The following SYNE2 variants were observed in gnomAD, a reference collection of about 807,000 sequenced individuals.
SYNE2 encodes the protein spectrin repeat containing nuclear envelope protein 2, also known as nesprin-2.
Under a neutral mutation model 856.3 loss-of-function variants are expected in SYNE2, and 431 were observed. The observed-to-expected ratio is 0.50, with a 90% CI of 0.47 to 0.55. The LOEUF is 0.55. Among genes scored for constraint, SYNE2 ranks in the 20% least tolerant of loss-of-function variants. The pLI is 0.00. For synonymous variants in SYNE2, 2,923 were observed against 2,872.3 expected, an observed-to-expected ratio of 1.02 and a Z score of -0.56; for missense variants, 8,129 against 8,023.2, an observed-to-expected ratio of 1.01 and a Z score of -0.50.
At chr14:64,207,664 A>G (rs17101715) in intron 100 of SYNE2, among the ~76,000 whole-genome samples, 5,376 of 152,210 alleles carry the variant, frequency 0.035, 283 homozygotes, top group African/African-American at 0.11. Flanking sequence ...CTTTCTGTAG[A>G]TGGTGACAGC....
rs563179946 is a variant in SYNE2, at chr14:64,130,235, T to C, written c.14327T>C (p.Ile4776Thr). The C allele has an allele frequency of 5.6e-6, 9 of 1,612,398 alleles. No homozygotes were observed. Among genetic ancestry groups the C allele is most frequent in the African/African-American group, 4.0e-5 (3 of 74,976 alleles). ...TKSKVALQAQ[I>T]ENHKVFFQKL... Reference sequence around the variant, plus strand: ...AGTAAAGTGGCGTTACAGGCTCAAATAGAAAATCACAAGGTGAGACAGACA... The same window carrying C: ...AGTAAAGTGGCGTTACAGGCTCAAACAGAAAATCACAAGGTGAGACAGACA... The change falls in exon 76 of 116, where the codon ATA becomes ACA. Residue 4776 changes from isoleucine to threonine, a missense_variant. Transcript: ENST00000555002.
intron 74 of SYNE2, 33 bp from the exon 75 acceptor site, chr14:64,129,748 AG>A: frequency 6.2e-7 from 1 of 1,613,474 alleles, no homozygotes; most frequent in East Asian, 2.2e-5. Context: ...GACTTACTGA[AG>A]GGTTTTCTTT....
intron 1 of SYNE2, among the ~76,000 whole-genome samples, chr14:63,853,811 A>G (rs992561483): frequency 3.9e-5 from 6 of 151,992 alleles, no homozygotes; most frequent in African/African-American, 1.2e-4. Context: ...GACGGCCGGG[A>G]TTATAATTCC....
intron 1 of SYNE2, among the ~76,000 whole-genome samples, chr14:63,787,559 C>A (rs1038769223): frequency 6.6e-6 from 1 of 152,214 alleles, no homozygotes; most frequent in African/African-American, 2.4e-5. Context: ...AGAGGAACTT[C>A]ATTGAGTGTT....
At position 64,051,753 on chromosome 14, in the gene SYNE2, A is replaced by T; in HGVS notation, c.7840A>T (p.Ile2614Phe). 6.2e-7 allele frequency: 1 copy of T among 1,614,228 alleles called. No homozygotes were observed. The highest frequency in any genetic ancestry group is 8.5e-7 in the Non-Finnish European group (1 of 1,180,040). The change falls in exon 48 of 116, where the codon ATT becomes TTT. Residue 2614 changes from isoleucine to phenylalanine, a missense_variant. Ile to Phe is a conservative substitution (Grantham distance 21). Around this residue, in one of 3 missense-constraint regions of SYNE2, gnomAD observed 5,410 missense variants for 5,284.8 expected, o/e 1.02. Coordinates refer to ENST00000555002, the MANE Select transcript of SYNE2 (RefSeq NM_182914.3). ...TGGTTGGGAACAAGTGGAACAGCAG[A>T]TTCAAAAGAAGTATTCTCAGCAGGT... ...EHGWEQVEQQ[I>F]QKKYSQQVVE...
In SYNE2 at chr14:64,074,111, ACC is replaced by A; in HGVS notation, c.10843_10844del (p.Pro3615ArgfsTer7). On this transcript the variant is annotated frameshift_variant, in exon 53 of 116. Coordinates refer to ENST00000555002, the MANE Select transcript of SYNE2 (RefSeq NM_182914.3). LOFTEE classifies it high-confidence loss of function. Reference sequence around the variant, plus strand: ...TTCCAAAATATGGCATTCCAGGATCACCCAGAAAAGTCAGAACAATTTGAGGT... The same window carrying A: ...TTCCAAAATATGGCATTCCAGGATCACAGAAAAGTCAGAACAATTTGAGGT... 5 of 1,614,214 alleles carry A rather than the reference ACC, an allele frequency of 3.1e-6. No homozygotes were observed. The highest frequency in any genetic ancestry group is 4.2e-6 in the Non-Finnish European group (5 of 1,180,038).
Position 64,022,005 on chromosome 14 carries a change from A to T in SYNE2, c.5501A>T (p.Asp1834Val). 1 of 1,613,790 alleles carries T rather than the reference A, an allele frequency of 6.2e-7. No homozygotes were observed. The highest frequency in any genetic ancestry group is 8.5e-7 in the Non-Finnish European group (1 of 1,179,864). Residue 1834 changes from aspartate to valine, a missense_variant, in exon 37 of 116, where the codon GAT becomes GTT. Around this residue, in one of 3 missense-constraint regions of SYNE2, gnomAD observed 2,422 missense variants for 2,357.4 expected, o/e 1.03. Transcript: ENST00000555002. Reference protein sequence around the residue: ...LFNTKKSVLQDHFSKLLNDQC... With the variant: ...LFNTKKSVLQVHFSKLLNDQC... ...AATACCAAAAAAAGTGTTTTGCAAGATCACTTTTCTAAGTTATTGAATGGT... is the reference window on the plus strand; with the variant it reads ...AATACCAAAAAAAGTGTTTTGCAAGTTCACTTTTCTAAGTTATTGAATGGT...
At chr14:64,075,827 T>C in intron 53 of SYNE2, 118 bp from the exon 54 acceptor site, 1 of 1,091,188 alleles carries the variant, frequency 9.2e-7, no homozygotes, top group Non-Finnish European at 1.4e-6. Context: ...AGTGGGGTTT[T>C]GTCATGCAAA....
At position 63,897,669 on chromosome 14, in the gene SYNE2, C is replaced by T. The variant is rs986056982; in HGVS notation, c.-51-11429C>T. On this transcript the variant is annotated intron_variant, in intron 1 of 115. Coordinates refer to ENST00000555002, the MANE Select transcript of SYNE2 (RefSeq NM_182914.3). ...CATTCGCAGCCGGTGCTGTTCTGGC[C>T]TCAGTGGGCCTTCAGCTGCCCTCAC... Among the ~76,000 whole-genome samples the T allele has an allele frequency of 7.9e-5, 12 of 152,304 alleles. 1 individual carries two copies. The highest frequency in any genetic ancestry group is 2.9e-4 in the African/African-American group (12 of 41,564).
At chr14:63,835,581 G>A (rs899990668) in intron 1 of SYNE2, among the ~76,000 whole-genome samples, 3 of 151,976 alleles carry the variant, frequency 2.0e-5, no homozygotes, top group South Asian at 4.1e-4. Context: ...GTGTGTGTGT[G>A]TGTGTGTGTG....
At chr14:64,081,312 C>T in intron 56 of SYNE2, 131 bp from the exon 57 acceptor site, 1 of 1,108,406 alleles carries the variant, frequency 9.0e-7, no homozygotes, top group Non-Finnish European at 1.4e-6. Context: ...ATAAGTAGCC[C>T]CAGCCATGGG....
intron 1 of SYNE2, among the ~76,000 whole-genome samples, chr14:63,844,664 T>C (rs766103218): frequency 1.3e-5 from 2 of 152,188 alleles, no homozygotes; most frequent in African/African-American, 2.4e-5. Flanking sequence ...TGTACAGTCT[T>C]TGTCAGATTG....
At chr14:63,880,442 A>G (rs1057367726) in intron 1 of SYNE2, among the ~76,000 whole-genome samples, 2 of 152,188 alleles carry the variant, frequency 1.3e-5, no homozygotes, top group South Asian at 2.1e-4. Context: ...CATTTAGAAG[A>G]TGAGGTAGCA....
At chr14:64,175,941 C>A (rs964515631) in intron 95 of SYNE2, among the ~76,000 whole-genome samples, 1 of 152,212 alleles carries the variant, frequency 6.6e-6, no homozygotes, top group African/African-American at 2.4e-5. Context: ...ATTTGTTAAG[C>A]ATCTGCCATG....
At chr14:64,147,430 A>T (rs116873188) in intron 84 of SYNE2, among the ~76,000 whole-genome samples, 2,774 of 152,326 alleles carry the variant, frequency 0.018, 45 homozygotes, top group Non-Finnish European at 0.029. Context: ...AATGAAGTTC[A>T]CATGTTTTAG....
At chr14:64,113,597 G>C in intron 66 of SYNE2, 26 bp downstream of exon 66, 1 of 1,576,692 alleles carries the variant, frequency 6.3e-7, no homozygotes. Flanking sequence ...CAGAGTTCAT[G>C]GTTTGCCTCT....
Position 63,997,371 on chromosome 14 carries a change from A to T in SYNE2, c.3223A>T (p.Asn1075Tyr), listed in dbSNP as rs1373101999. 1 of 1,613,284 alleles carries T rather than the reference A, an allele frequency of 6.2e-7. No individual in the cohort carries two copies. Among genetic ancestry groups the T allele is most frequent in the Non-Finnish European group, 8.5e-7 (1 of 1,179,666 alleles). The change falls in exon 25 of 116, where the codon AAT becomes TAT. Residue 1075 changes from asparagine (N) to tyrosine (Y), a missense_variant. Transcript: ENST00000555002. ...HSEAPFAKSD[N>Y]QPSTEKAMEP... The stretch of plus-strand genomic sequence containing the variant: ...TGAGGCACCATTTGCAAAATCAGAT[A>T]ATCAGCCATCAACTGAAAAGGTGTT...
intron 1 of SYNE2, among the ~76,000 whole-genome samples, chr14:63,831,473 T>C (rs1300833981): frequency 6.6e-6 from 1 of 152,054 alleles, no homozygotes; most frequent in Non-Finnish European, 1.5e-5. Context: ...TTTGTCTGAT[T>C]CTTCTATTTT....
chr14:63,961,717 C>A, intron 9 of SYNE2, 92 bp downstream of exon 9: 1 of 896,728 alleles, frequency 1.1e-6, no homozygotes, highest in Non-Finnish European at 1.8e-6. Flanking sequence ...GCATACAGAA[C>A]TTAAATGTAC....
Sources: allele counts gnomAD v4.1 joint callset (sites outside exome capture counted in the v4.1 genomes callset), GRCh38; gene constraint gnomAD v4.1.1; regional missense constraint gnomAD v4.1.1; transcripts MANE v1.5; gene names NCBI Gene and HGNC (gene_info 2026-07-23, HGNC 2026-07-21).